IGF2BP1: variants seen among roughly 807,000 people sequenced by gnomAD.
The protein encoded by IGF2BP1 is insulin like growth factor 2 mRNA binding protein 1.
A neutral mutation model predicts 74.9 loss-of-function variants in IGF2BP1; 11 were observed. The observed-to-expected ratio is 0.15, with a 90% confidence interval of 0.09 to 0.24. The LOEUF (loss-of-function observed/expected upper bound fraction) is 0.24. IGF2BP1 is among the 10% of genes least tolerant of loss of function. The pLI is 1.00. For missense variants in IGF2BP1, 440 were observed against 757.4 expected (o/e 0.58, Z 4.92); for synonymous variants, 287 against 281.8 (o/e 1.02, Z -0.18).
intron 2 of IGF2BP1, among the ~76,000 whole-genome samples, chr17:49,021,354 C>G (rs1032266816): frequency 6.6e-6 from 1 of 152,056 alleles, no homozygotes; most frequent in Non-Finnish European, 1.5e-5. Context: ...TAAGCTGTTG[C>G]AAGGATGCTC....
intron 1 of IGF2BP1, among the ~76,000 whole-genome samples, 198 bp downstream of exon 1, chr17:48,998,118 G>T (rs997069499): frequency 6.6e-6 from 1 of 151,980 alleles, no homozygotes; most frequent in African/African-American, 2.4e-5. Flanking sequence ...AAACATTCGG[G>T]ATTTCCTCAT....
At chr17:48,998,045 C>A in intron 1 of IGF2BP1, 125 bp downstream of exon 1, 1 of 958,694 alleles carries the variant, frequency 1.0e-6, no homozygotes, top group South Asian at 1.6e-5. Flanking sequence ...GCCTCCGTAC[C>A]CACCCTCGAC....
At chr17:49,003,327 A>T (rs2041507666) in intron 2 of IGF2BP1, among the ~76,000 whole-genome samples, 1 of 152,330 alleles carries the variant, frequency 6.6e-6, no homozygotes. Context: ...TTTAATGTGT[A>T]GCAGCCAGTT....
intron 2 of IGF2BP1, among the ~76,000 whole-genome samples, chr17:49,011,407 G>A (rs2041618232): frequency 6.6e-6 from 1 of 152,128 alleles, no homozygotes; most frequent in South Asian, 2.1e-4. Flanking sequence ...TTGAGTATCT[G>A]CTCAGCTCAC....
At chr17:49,007,814 G>A (rs2041568512) in intron 2 of IGF2BP1, among the ~76,000 whole-genome samples, 1 of 152,146 alleles carries the variant, frequency 6.6e-6, no homozygotes, top group South Asian at 2.1e-4. Context: ...TAAGTTGCTT[G>A]GGAGGAGAAC....
At chr17:49,042,184 T>TGCCGGG in intron 8 of IGF2BP1, 58 bp from the exon 9 acceptor site, 2 of 1,608,638 alleles carry the variant, frequency 1.2e-6, no homozygotes, top group Non-Finnish European at 1.7e-6. Context: ...TCTTTGTTAC[T>TGCCGGG]GCCGGGGCCT....
intron 4 of IGF2BP1, 122 bp downstream of exon 4, chr17:49,026,639 T>G (rs28726252): frequency 5.6e-5 from 43 of 772,512 alleles, no homozygotes; most frequent in Middle Eastern, 7.4e-4. Context: ...CTTCCTGCCT[T>G]CCTTCCTGCC....
Position 48,997,641 on chromosome 17 carries a change from CG to C in IGF2BP1, c.-103del. 1 of 1,252,852 alleles carries C rather than the reference CG, an allele frequency of 8.0e-7. No individual in the cohort carries two copies. Among genetic ancestry groups the C allele is most frequent in the Non-Finnish European group, 1.1e-6 (1 of 901,172 alleles). 77.6% of individuals were successfully genotyped at this position (1,252,852 alleles called of 1,614,324 possible). ...TGGGGTGGGGTGCAAAGAAAGTTTG[CG>C]GCTCCTGCCGCCGGCCTCTCCGCCT... is the stretch of plus-strand genomic sequence containing the variant. On this transcript the variant is annotated 5_prime_UTR_variant, in exon 1 of 15. Transcript: ENST00000290341. This position sits in a 1 kb window ranked among gnomAD's most constrained non-coding sequence, Gnocchi z 4.8.
intron 3 of IGF2BP1, 61 bp from the exon 4 acceptor site, chr17:49,026,405 G>C: frequency 2.0e-6 from 3 of 1,488,114 alleles, no homozygotes; most frequent in Non-Finnish European, 2.8e-6. Flanking sequence ...GTGTCCAGTG[G>C]CTGCTTTGCA....
chr17:49,039,936 C>T (rs774436538), intron 6 of IGF2BP1, 21 bp from the exon 7 acceptor site: 6 of 1,611,348 alleles, frequency 3.7e-6, no homozygotes, highest in East Asian at 2.2e-5. Context: ...AACTAACCAG[C>T]CTTGTCCTTG....
intron 2 of IGF2BP1, among the ~76,000 whole-genome samples, chr17:49,021,332 T>C (rs2041789713): frequency 1.3e-5 from 2 of 152,150 alleles, no homozygotes; most frequent in Non-Finnish European, 2.9e-5. Context: ...TCTTACTTCC[T>C]ACATAGCTTT....
At chr17:49,038,037 G>T in intron 5 of IGF2BP1, 131 bp from the exon 6 acceptor site, 2 of 724,658 alleles carry the variant, frequency 2.8e-6, no homozygotes, top group Non-Finnish European at 4.1e-6. Flanking sequence ...GGTGGAGGTA[G>T]TGGGCAGGTG....
At chr17:49,005,650 A>G (rs2041543123) in intron 2 of IGF2BP1, among the ~76,000 whole-genome samples, 1 of 152,112 alleles carries the variant, frequency 6.6e-6, no homozygotes, top group Non-Finnish European at 1.5e-5. Context: ...TTCCCTTTCT[A>G]CCATGTCTGG....
chr17:49,040,082 A>T lies in IGF2BP1; in HGVS notation c.809A>T (p.Asp270Val). ...GAGATTATGCATAAAGAGGCTAAGG[A>T]CACCAAAACGTAAGTCTCCAGCTTT... ...ILEIMHKEAK[D>V]TKTADEVPLK... The change falls in exon 7 of 15, where the codon GAC (aspartate) becomes GTC (valine). Residue 270 changes from aspartate to valine, a missense_variant. Asp to Val is a radical substitution (Grantham distance 152, BLOSUM62 -3). Transcript: ENST00000290341. 6.2e-7 allele frequency: 1 copy of T among 1,614,022 alleles called. No homozygotes were observed. The highest frequency in any genetic ancestry group is 8.5e-7 in the Non-Finnish European group (1 of 1,179,984).
intron 5 of IGF2BP1, among the ~76,000 whole-genome samples, chr17:49,034,410 C>T (rs554174615): frequency 4.0e-5 from 6 of 151,288 alleles, no homozygotes; most frequent in Non-Finnish European, 5.9e-5. Flanking sequence ...TGAGCCACCA[C>T]ACTTGGCCTT....
At chr17:49,041,784 G>A (rs1355891871) in intron 8 of IGF2BP1, among the ~76,000 whole-genome samples, 1 of 152,202 alleles carries the variant, frequency 6.6e-6, no homozygotes, top group Non-Finnish European at 1.5e-5. Context: ...TGGACAGCCT[G>A]CAGCTAGGAG....
chr17:49,040,391 G>A (rs1220977659), intron 7 of IGF2BP1, among the ~76,000 whole-genome samples: 1 of 152,062 alleles, frequency 6.6e-6, no homozygotes, highest in Admixed American at 6.5e-5. Flanking sequence ...AGTTTTTTGT[G>A]ATTTTTGTAG....
chr17:49,008,472 T>C (rs1239488568), intron 2 of IGF2BP1, among the ~76,000 whole-genome samples: 7 of 152,244 alleles, frequency 4.6e-5, no homozygotes, highest in African/African-American at 1.4e-4. Flanking sequence ...AGTGGAGTGA[T>C]TGCTGTCCAG....
chr17:49,046,422 G>A (rs543619291), intron 14 of IGF2BP1, 49 bp downstream of exon 14: 49 of 1,339,414 alleles, frequency 3.7e-5, no homozygotes, highest in Non-Finnish European at 4.9e-5. Flanking sequence ...AGCCCAGGGA[G>A]CAGAGAAGCA....
Sources: gnomAD v4.1 joint callset for allele counts (sites outside exome capture counted in the v4.1 genomes callset) on GRCh38, gnomAD v4.1.1 for gene constraint, Gnocchi (gnomAD v3.1) non-coding constraint, MANE v1.5 for transcripts, NCBI Gene and HGNC (gene_info 2026-07-23, HGNC 2026-07-21) for gene names.